Variants in DNER observed in about 807,000 individuals in gnomAD.
DNER encodes the protein delta and Notch-like epidermal growth factor-related receptor.
Under a neutral mutation model 78.2 loss-of-function variants are expected in DNER, and 33 were observed. That is an observed-to-expected ratio of 0.42 (90% CI 0.32 to 0.56). The LOEUF (loss-of-function observed/expected upper bound fraction) is 0.56, where lower values mean the gene tolerates loss of function less well. DNER is among the 20% of genes least tolerant of loss of function. The pLI, the probability that DNER is intolerant of heterozygous loss-of-function variation, is 0.11. For missense variants in DNER, 918 were observed against 975.3 expected (o/e 0.94, Z 0.78); for synonymous variants, 417 against 384.8 (o/e 1.08, Z -0.98).
intron 8 of DNER, among the ~76,000 whole-genome samples, chr2:229,423,760 A>C (rs1693813597): frequency 6.6e-6 from 1 of 152,242 alleles, no homozygotes; most frequent in Non-Finnish European, 1.5e-5. Context: ...TCTCCAATAA[A>C]GAATATCTAT....
chr2:229,408,390 T>C (rs1040424944), intron 9 of DNER, among the ~76,000 whole-genome samples: 8 of 152,116 alleles, frequency 5.3e-5, no homozygotes, highest in Admixed American at 2.0e-4. Flanking sequence ...ATGAATAGAT[T>C]AGTGTCTCTC....
chr2:229,605,623 C>T lies in DNER; in HGVS notation c.277-13735G>A, dbSNP rs150594263. 9.5e-3 allele frequency among the ~76,000 whole-genome samples: 1,451 copies of T among 152,148 alleles called. 22 individuals are homozygous for T. Among genetic ancestry groups the T allele is most frequent in the African/African-American group, 0.033 (1,375 of 41,502 alleles). Reference sequence around the variant, plus strand: ...TTTTAGAATGTTGATGAAATCAATCCCATTTAACAATGCTTGCCATGTTGA... The same window carrying T: ...TTTTAGAATGTTGATGAAATCAATCTCATTTAACAATGCTTGCCATGTTGA... On this transcript the variant is annotated intron_variant, in intron 1 of 12. Coordinates refer to ENST00000341772, the MANE Select transcript of DNER (RefSeq NM_139072.4).
intron 4 of DNER, among the ~76,000 whole-genome samples, chr2:229,549,535 G>A (rs1574897484): frequency 6.6e-6 from 1 of 152,292 alleles, no homozygotes; most frequent in East Asian, 1.9e-4. Flanking sequence ...CTGACCTCAA[G>A]TGATCTCCCC....
At chr2:229,575,917 C>T (rs1182889068) in intron 4 of DNER, among the ~76,000 whole-genome samples, 2 of 152,154 alleles carry the variant, frequency 1.3e-5, no homozygotes, top group African/African-American at 4.8e-5. Context: ...AATATGAGGT[C>T]TCAATTTAAG....
chr2:229,516,872 C>A (rs1695986413), intron 5 of DNER, among the ~76,000 whole-genome samples: 1 of 150,930 alleles, frequency 6.6e-6, no homozygotes. Context: ...TTTTGGGAGG[C>A]CGAGGTGGGC....
At chr2:229,548,751 T>C (rs548107542) in intron 4 of DNER, among the ~76,000 whole-genome samples, 83 of 152,074 alleles carry the variant, frequency 5.5e-4, no homozygotes, top group Non-Finnish European at 1.0e-3. Context: ...ATAAAAAATA[T>C]ATAAAAAACA....
chr2:229,674,690 T>C (rs1699273014), intron 1 of DNER, among the ~76,000 whole-genome samples: 1 of 152,196 alleles, frequency 6.6e-6, no homozygotes, highest in South Asian at 2.1e-4. Context: ...CATTCACTTA[T>C]CCACAAATAA....
At chr2:229,706,868 A>T (rs1699834992) in intron 1 of DNER, among the ~76,000 whole-genome samples, 1 of 152,134 alleles carries the variant, frequency 6.6e-6, no homozygotes, top group East Asian at 1.9e-4. Flanking sequence ...AAGCCGCCAC[A>T]CCCGGCCCAG....
At chr2:229,589,805 C>T (rs1337955580) in intron 2 of DNER, among the ~76,000 whole-genome samples, 2 of 151,466 alleles carry the variant, frequency 1.3e-5, no homozygotes, top group African/African-American at 4.9e-5. Flanking sequence ...AACTTCAAAG[C>T]ATTTATTAAA....
intron 1 of DNER, among the ~76,000 whole-genome samples, chr2:229,702,559 A>G (rs1233069479): frequency 2.6e-5 from 4 of 151,876 alleles, no homozygotes; most frequent in Non-Finnish European, 4.4e-5. Context: ...GATGATGATG[A>G]TTTTAAAAAA....
intron 1 of DNER, among the ~76,000 whole-genome samples, chr2:229,709,196 CT>C (rs1233563946): frequency 1.3e-5 from 2 of 151,992 alleles, no homozygotes; most frequent in Non-Finnish European, 2.9e-5. Context: ...AACGTGTTAC[CT>C]TTTTTCAAAA....
intron 1 of DNER, among the ~76,000 whole-genome samples, chr2:229,606,550 TAAC>T (rs1466743227): frequency 1.3e-5 from 2 of 152,106 alleles, no homozygotes; most frequent in Non-Finnish European, 2.9e-5. Context: ...CCCCTGTGAT[TAAC>T]AACATCTCCT....
intron 1 of DNER, among the ~76,000 whole-genome samples, chr2:229,706,753 T>A (rs1393294706): frequency 1.3e-5 from 2 of 152,188 alleles, no homozygotes; most frequent in Non-Finnish European, 2.9e-5. Context: ...GAGTTTTTTT[T>A]AATGTAGAGG....
intron 9 of DNER, among the ~76,000 whole-genome samples, chr2:229,412,235 G>A (rs1693538601): frequency 1.3e-5 from 2 of 152,162 alleles, no homozygotes; most frequent in Admixed American, 6.5e-5. Context: ...GTCTGAAGAC[G>A]GGTTACACAG....
At chr2:229,544,045 C>A (rs1316644152) in intron 5 of DNER, among the ~76,000 whole-genome samples, 5 of 151,934 alleles carry the variant, frequency 3.3e-5, no homozygotes, top group African/African-American at 1.2e-4. Flanking sequence ...TTTTCCTATA[C>A]TTAATTCTAA....
chr2:229,713,028 T>C (rs2154217957), intron 1 of DNER, among the ~76,000 whole-genome samples: 1 of 152,368 alleles, frequency 6.6e-6, no homozygotes, highest in South Asian at 2.1e-4. Flanking sequence ...AAAGAACCTA[T>C]TTGAGCATTC....
chr2:229,399,276 C>A (rs1052452753), intron 10 of DNER, among the ~76,000 whole-genome samples: 14 of 149,900 alleles, frequency 9.3e-5, no homozygotes, highest in Non-Finnish European at 1.8e-4. Flanking sequence ...AAGAACAATT[C>A]TATTTACAAT....
intron 4 of DNER, among the ~76,000 whole-genome samples, chr2:229,580,926 A>C (rs1362613224): frequency 6.6e-6 from 1 of 152,150 alleles, no homozygotes; most frequent in African/African-American, 2.4e-5. Context: ...GGGGGATTTC[A>C]GTGAGGCCTT....
chr2:229,691,970 C>T (rs886629787), intron 1 of DNER, among the ~76,000 whole-genome samples: 1 of 152,232 alleles, frequency 6.6e-6, no homozygotes, highest in East Asian at 1.9e-4. Flanking sequence ...ATAGTGTGAA[C>T]CTGGAGCTGT....
Sources: gnomAD v4.1 joint callset for allele counts (sites outside exome capture counted in the v4.1 genomes callset) on GRCh38, gnomAD v4.1.1 for gene constraint, MANE v1.5 for transcripts, NCBI Gene and HGNC (gene_info 2026-07-23, HGNC 2026-07-21) for gene names.